The following KDM6A variants were observed in gnomAD, a reference collection of about 807,000 sequenced individuals.
The protein encoded by KDM6A is lysine-specific demethylase 6A.
Under a neutral mutation model 117.6 loss-of-function variants are expected in KDM6A, and 11 were observed. The observed-to-expected ratio is 0.09, with a 90% CI of 0.06 to 0.15. The LOEUF is 0.15. Among genes scored for constraint, KDM6A ranks in the 10% least tolerant of loss-of-function variants. The pLI is 1.00. For missense variants in KDM6A, 799 were observed against 1,077.3 expected, an observed-to-expected ratio of 0.74 and a Z score of 3.62; for synonymous variants, 384 against 396.1, an observed-to-expected ratio of 0.97 and a Z score of 0.36.
intron 2 of KDM6A, among the ~76,000 whole-genome samples, chrX:44,892,318 G>T (rs1011504586): frequency 8.9e-6 from 1 of 112,074 alleles, no homozygotes; most frequent in Non-Finnish European, 1.9e-5. Flanking sequence ...CAACACTTTG[G>T]GAGGCTGAGG....
Position 44,932,084 on chromosome X carries a change from CTTTTTTTTTTT to C in KDM6A, c.226-29182_226-29172del, listed in dbSNP as rs796121677. On this transcript the variant is annotated intron_variant, in intron 2 of 29. Transcript: ENST00000611820. ...GCTGGTCCTGATTGCTCTAGGTAGC[CTTTTTTTTTTT>C]TTTTTTTTTTTTTTTTTAAGATGGA... Among the ~76,000 whole-genome samples, 4 of 17,089 alleles carry C rather than the reference CTTTTTTTTTTT, an allele frequency of 2.3e-4. No homozygotes were observed. In the South Asian group the frequency reaches 0.018, roughly 79 times the overall value. 14.8% of individuals were successfully genotyped at this position (17,089 alleles called of 115,157 possible).
At chrX:44,972,725 A>G (rs953643236) in intron 3 of KDM6A, among the ~76,000 whole-genome samples, 3 of 111,053 alleles carry the variant, frequency 2.7e-5, no homozygotes. Context: ...GAACAGAGAG[A>G]GTGGGTTATT....
At chrX:44,904,631 A>T (rs1041467513) in intron 2 of KDM6A, among the ~76,000 whole-genome samples, 18 of 112,037 alleles carry the variant, frequency 1.6e-4, no homozygotes, top group Non-Finnish European at 3.2e-4. Flanking sequence ...TGAAATACCT[A>T]GCTTTGCAAG....
chrX:45,051,199 G>T (rs769733019), intron 8 of KDM6A, among the ~76,000 whole-genome samples: 4 of 110,911 alleles, frequency 3.6e-5, no homozygotes, highest in East Asian at 2.8e-4. Context: ...TAGTAGAGAC[G>T]TGGTTTCACT....
At chrX:45,076,856 AAC>A (rs775684628) in intron 19 of KDM6A, 30 bp downstream of exon 19, 4 of 1,163,963 alleles carry the variant, frequency 3.4e-6, no homozygotes, top group Admixed American at 2.2e-5. Flanking sequence ...CTAGAAATAA[AAC>A]AGTGTTTGCA....
intron 2 of KDM6A, among the ~76,000 whole-genome samples, chrX:44,926,044 T>C (rs1372914336): frequency 1.8e-5 from 2 of 110,257 alleles, no homozygotes; most frequent in East Asian, 5.7e-4. Flanking sequence ...TGTTATTAAG[T>C]GTTTAAGGAT....
intron 24 of KDM6A, among the ~76,000 whole-genome samples, chrX:45,084,365 G>A (rs1461594787): frequency 1.3e-4 from 15 of 111,772 alleles, no homozygotes; most frequent in Non-Finnish European, 7.5e-5. Flanking sequence ...CACAATCGCA[G>A]CACTGATCAA....
At chrX:44,912,279 G>A (rs963326014) in intron 2 of KDM6A, among the ~76,000 whole-genome samples, 3 of 109,763 alleles carry the variant, frequency 2.7e-5, no homozygotes, top group African/African-American at 6.6e-5. Flanking sequence ...TAGTAGAGAC[G>A]GGTTTCTCCA....
chrX:44,999,348 C>CGCT (rs1011974897), intron 4 of KDM6A, among the ~76,000 whole-genome samples: 11 of 111,586 alleles, frequency 9.9e-5, no homozygotes, highest in Non-Finnish European at 1.9e-4. Context: ...ACGTGGCCGC[C>CGCT]GCTGCTGCTG....
chrX:45,005,955 C>A (rs1228639248), intron 4 of KDM6A, among the ~76,000 whole-genome samples: 2 of 56,346 alleles, frequency 3.5e-5, no homozygotes, highest in Admixed American at 1.9e-4. Context: ...TTCACCTCAC[C>A]CCCCCACCCC....
intron 5 of KDM6A, among the ~76,000 whole-genome samples, chrX:45,018,309 G>A (rs1286837615): frequency 1.8e-5 from 2 of 111,298 alleles, no homozygotes; most frequent in Non-Finnish European, 3.8e-5. Flanking sequence ...ACAACGAGGA[G>A]AACTTTGATT....
chrX:44,913,207 T>C (rs1008801479), intron 2 of KDM6A, among the ~76,000 whole-genome samples: 1 of 111,959 alleles, frequency 8.9e-6, no homozygotes, highest in Non-Finnish European at 1.9e-5. Context: ...ATGTATTTTA[T>C]GTTGCTTATG....
intron 2 of KDM6A, among the ~76,000 whole-genome samples, chrX:44,925,487 A>G (rs1407356005): frequency 1.8e-5 from 2 of 111,927 alleles, no homozygotes; most frequent in Non-Finnish European, 3.8e-5. Flanking sequence ...CCTTTTGGCC[A>G]GAAGCAGAAA....
At chrX:45,068,496 A>T (rs1284515301) in intron 17 of KDM6A, among the ~76,000 whole-genome samples, 1 of 108,440 alleles carries the variant, frequency 9.2e-6, no homozygotes. Flanking sequence ...TCAGGTGATG[A>T]AAAATAAAGT....
chrX:45,006,880 G>A (rs1295112823), intron 4 of KDM6A, among the ~76,000 whole-genome samples: 1 of 108,334 alleles, frequency 9.2e-6, no homozygotes, highest in Non-Finnish European at 1.9e-5. Flanking sequence ...ACAGTGAGCC[G>A]AGATCACACC....
chrX:44,960,999 T>C (rs926814496), intron 2 of KDM6A, among the ~76,000 whole-genome samples: 8 of 112,134 alleles, frequency 7.1e-5, no homozygotes, highest in African/African-American at 2.6e-4. Context: ...TTTCAACTTA[T>C]GAATAAAATT....
rs1051112898 is a variant in KDM6A at position 45,089,624 on chromosome X, A to G, written c.3705-119A>G. ...TACAGCAGATCTTTTTGCACAAGCA[A>G]TTATGTTTCAATAAAATGAACAAGT... is the stretch of plus-strand genomic sequence containing the variant. On this transcript the variant is annotated intron_variant, in intron 25 of 29. Transcript: ENST00000611820. 4.6e-5 allele frequency: 25 copies of G among 540,581 alleles called. No homozygotes were observed. In the East Asian group the frequency reaches 8.3e-4, roughly 18 times the overall value. The allele number at this position is 540,581 out of a possible 1,213,427, so 44.5% of individuals were successfully genotyped here. A position where few individuals can be genotyped will look rare whatever the true frequency, so the allele number is the denominator to read the frequency against.
intron 27 of KDM6A, among the ~76,000 whole-genome samples, chrX:45,091,963 A>G (rs929177116): frequency 9.0e-6 from 1 of 111,572 alleles, no homozygotes; most frequent in African/African-American, 3.3e-5. Context: ...ATTTTATGAC[A>G]GTCTTTTCTC....
intron 2 of KDM6A, among the ~76,000 whole-genome samples, chrX:44,958,181 A>AT (rs35278318): frequency 0.055 from 5,342 of 97,413 alleles, 403 homozygotes; most frequent in African/African-American, 0.19. Flanking sequence ...TCTTTAATGA[A>AT]TTTTTTTTTT....
Sources: gnomAD v4.1 joint callset for allele counts (sites outside exome capture counted in the v4.1 genomes callset) on GRCh38, gnomAD v4.1.1 for gene constraint, MANE v1.5 for transcripts, NCBI Gene and HGNC (gene_info 2026-07-23, HGNC 2026-07-21) for gene names.